The following PSPH variants were observed in gnomAD, a reference collection of about 807,000 sequenced individuals.
PSPH encodes L-3-phosphoserine phosphatase.
In PSPH, 16 loss-of-function variants were observed where a neutral mutation model predicts 23.4. That is an observed-to-expected ratio of 0.68 (90% CI 0.46 to 1.04). The LOEUF (loss-of-function observed/expected upper bound fraction) is 1.04. Ranked by LOEUF, PSPH falls within the 50% of genes least tolerant of loss-of-function variation. The probability of loss-of-function intolerance (pLI) is 0.00; values close to 1 mark genes in which losing one functional copy is unlikely to be tolerated. For missense variants in PSPH, 223 were observed against 273.7 expected (o/e 0.81, Z 1.31); for synonymous variants, 68 against 99.7 (o/e 0.68, Z 1.89).
At chr7:56,033,019 A>G (rs755877200) in intron 2 of PSPH, 4 of 152,062 alleles carry the variant, frequency 2.6e-5, no homozygotes, top group African/African-American at 4.8e-5. Context: ...GAAAATTTTA[A>G]AAGTCCTGAC....
chr7:56,046,214 G>A (rs1793226794), intron 1 of PSPH, among the ~76,000 whole-genome samples: 2 of 152,056 alleles, frequency 1.3e-5, no homozygotes, highest in Admixed American at 6.6e-5. Flanking sequence ...TTGGCCCACT[G>A]CAACCTCTGC....
chr7:56,045,855 C>G (rs1793156476), intron 1 of PSPH, among the ~76,000 whole-genome samples: 1 of 145,060 alleles, frequency 6.9e-6, no homozygotes, highest in African/African-American at 2.5e-5. Context: ...CCACTGCACT[C>G]TAGCCTGGGT....
chr7:56,025,044 T>C (rs1304067917), intron 3 of PSPH, among the ~76,000 whole-genome samples: 3 of 151,880 alleles, frequency 2.0e-5, no homozygotes, highest in Non-Finnish European at 4.4e-5. Flanking sequence ...CCTCAAATGA[T>C]CCTCCTGCCT....
intron 5 of PSPH, among the ~76,000 whole-genome samples, chr7:56,018,842 C>T (rs899272269): frequency 2.0e-5 from 3 of 151,812 alleles, no homozygotes; most frequent in Admixed American, 6.6e-5. Context: ...TGGTGGCCTA[C>T]GTCTGTAGTC....
rs779729211 is a variant in PSPH at position 56,017,272 on chromosome 7, G to C, written c.383C>G (p.Thr128Ser). 6.8e-6 allele frequency: 11 copies of C among 1,613,870 alleles called. No individual in the cohort carries two copies. The highest frequency in any genetic ancestry group is 9.3e-6 in the Non-Finnish European group (11 of 1,179,842). Residue 128 changes from threonine (T) to serine (S), a missense_variant, in exon 6 of 8, where the codon ACC becomes AGC. Transcript: ENST00000275605. The part of the protein sequence containing the change: ...HVASKLNIPA[T>S]NVFANRLKFY... The stretch of plus-strand genomic sequence containing the variant: ...TTTCAGCCTATTGGCAAATACATTG[G>C]TTGCTGGGATATTGAGCTTTGAAGC...
At position 56,011,357 on chromosome 7, in the gene PSPH, G is replaced by A. The variant is rs543149277; in HGVS notation, c.*405C>T. 1.4e-4 allele frequency: 22 copies of A among 159,126 alleles called. No individual in the cohort carries two copies. Among genetic ancestry groups the A allele is most frequent in the Admixed American group, 7.4e-4 (12 of 16,190 alleles). 9.9% of individuals were successfully genotyped at this position (159,126 alleles called of 1,614,324 possible). ...ATCCTGGCTAACACGGTCAAACCCC[G>A]TCTCTACTAAAAATACAAAAAATTA... On this transcript the variant is annotated 3_prime_UTR_variant, in exon 8 of 8. Coordinates refer to ENST00000275605, the MANE Select transcript of PSPH (RefSeq NM_004577.4).
intron 1 of PSPH, among the ~76,000 whole-genome samples, chr7:56,042,147 C>T (rs565605252): frequency 1.6e-4 from 23 of 145,222 alleles, no homozygotes; most frequent in African/African-American, 4.9e-4. Context: ...CGCTTGAATC[C>T]GGGAGGCGGA....
chr7:56,025,209 A>G (rs79781109), intron 3 of PSPH, among the ~76,000 whole-genome samples: 2,031 of 152,174 alleles, frequency 0.013, 48 homozygotes, highest in African/African-American at 0.047. Flanking sequence ...AGTCCGCACA[A>G]ATACACATAC....
chr7:56,019,716 G>T lies in PSPH; in HGVS notation c.159C>A (p.Gly53=). The T allele has an allele frequency of 6.3e-7, 1 of 1,580,350 alleles. No homozygotes were observed. Among genetic ancestry groups the T allele is most frequent in the South Asian group, 1.1e-5 (1 of 89,168 alleles). ...AVSEMTRRAM[G]GAVPFKAALT... ...GAGCAGCTTTGAAAGGCACTGCCCC[G>T]CCCATGGCTCGCCGTGTCCTAGGAG... The change falls in exon 5 of 8, where the codon GGC becomes GGA. Residue 53 remains glycine (G), a synonymous_variant. Transcript: ENST00000275605.
chr7:56,037,566 G>T (rs921933059), intron 1 of PSPH, among the ~76,000 whole-genome samples: 2 of 151,890 alleles, frequency 1.3e-5, no homozygotes, highest in African/African-American at 4.8e-5. Flanking sequence ...CCACAGGTGT[G>T]TGCCACCACA....
At chr7:56,020,269 T>C (rs995266065) in intron 4 of PSPH, among the ~76,000 whole-genome samples, 327 of 103,190 alleles carry the variant, frequency 3.2e-3, no homozygotes, top group African/African-American at 0.017. Context: ...TCTTGCAAGC[T>C]GTGAGCTGTC....
intron 1 of PSPH, among the ~76,000 whole-genome samples, chr7:56,048,282 A>G (rs1345010052): frequency 2.2e-4 from 23 of 104,370 alleles, no homozygotes; most frequent in Non-Finnish European, 4.7e-4. Flanking sequence ...TCTGTCTTTA[A>G]AAAATTTGAA....
At chr7:56,046,434 T>A (rs1793254693) in intron 1 of PSPH, among the ~76,000 whole-genome samples, 2 of 152,080 alleles carry the variant, frequency 1.3e-5, no homozygotes, top group African/African-American at 2.4e-5. Context: ...TCTCACCATG[T>A]TGTCTAGGCT....
rs1788410715 is a variant in PSPH at position 56,015,167 on chromosome 7, T to C, written c.426A>G (p.Glu142=). Residue 142 remains glutamate, a synonymous_variant, in exon 7 of 8, where the codon GAA becomes GAG. Coordinates refer to ENST00000275605, the MANE Select transcript of PSPH (RefSeq NM_004577.4). Reference sequence around the variant, plus strand: ...GCTGCGTCTCATCAAAACCTGCATATTCACCTTAAAAGAGAAATAAAAATA... The same window carrying C: ...GCTGCGTCTCATCAAAACCTGCATACTCACCTTAAAAGAGAAATAAAAATA... The part of the protein sequence containing the change: ...ANRLKFYFNG[E]YAGFDETQPT... 1.2e-6 allele frequency: 2 copies of C among 1,613,816 alleles called. No individual in the cohort carries two copies. Among genetic ancestry groups the C allele is most frequent in the African/African-American group, 2.7e-5 (2 of 74,894 alleles).
Position 56,011,750 on chromosome 7 carries a change from C to G in PSPH, c.*12G>C. 1 of 1,593,906 alleles carries G rather than the reference C, an allele frequency of 6.3e-7. No individual in the cohort carries two copies. The highest frequency in any genetic ancestry group is 8.6e-7 in the Non-Finnish European group (1 of 1,161,792). ...TCATCTGAAGTTGTTTGGAGCTGTA[C>G]GACAATGGATGTTATTCTTCCAGTT... On this transcript the variant is annotated 3_prime_UTR_variant, in exon 8 of 8. Coordinates refer to ENST00000275605, the MANE Select transcript of PSPH (RefSeq NM_004577.4).
At chr7:56,022,497 T>C (rs1045459085) in intron 3 of PSPH, among the ~76,000 whole-genome samples, 2 of 152,056 alleles carry the variant, frequency 1.3e-5, no homozygotes, top group Admixed American at 1.3e-4. Flanking sequence ...AGGCTTGTGA[T>C]GGCAGAGCGA....
chr7:56,017,263 A>G lies in PSPH; in HGVS notation c.392T>C (p.Phe131Ser). 3 of 1,613,964 alleles carry G rather than the reference A, an allele frequency of 1.9e-6. No homozygotes were observed. Among genetic ancestry groups the G allele is most frequent in the Non-Finnish European group, 2.5e-6 (3 of 1,179,864 alleles). ...AAAGTAGAATTTCAGCCTATTGGCA[A>G]ATACATTGGTTGCTGGGATATTGAG... Reference protein sequence around the residue: ...SKLNIPATNVFANRLKFYFNG... With the variant: ...SKLNIPATNVSANRLKFYFNG... Residue 131 changes from phenylalanine to serine, a missense_variant, in exon 6 of 8, where the codon TTT becomes TCT. Physicochemically the swap from Phe to Ser is radical, Grantham distance 155. Transcript: ENST00000275605.
chr7:56,023,920 CTT>C (rs1047546226), intron 3 of PSPH, among the ~76,000 whole-genome samples: 1 of 147,680 alleles, frequency 6.8e-6, no homozygotes, highest in Non-Finnish European at 1.5e-5. Context: ...TTTTATTTTA[CTT>C]TTTTTTTTTG....
chr7:56,049,874 T>C (rs888734407), intron 1 of PSPH, among the ~76,000 whole-genome samples: 3 of 151,180 alleles, frequency 2.0e-5, no homozygotes, highest in African/African-American at 7.3e-5. Context: ...CCAAGTAGCT[T>C]GGATCACAGA....
Sources: gnomAD v4.1 joint callset for allele counts (sites outside exome capture counted in the v4.1 genomes callset) on GRCh38, gnomAD v4.1.1 for gene constraint, MANE v1.5 for transcripts, NCBI Gene and HGNC (gene_info 2026-07-23, HGNC 2026-07-21) for gene names.